Variants in ATP10D observed in about 807,000 individuals in gnomAD.
ATP10D encodes phospholipid-transporting ATPase VD.
Under a neutral mutation model 144.8 loss-of-function variants are expected in ATP10D, and 89 were observed. The ratio of observed to expected loss-of-function variants is 0.61; its 90% CI spans 0.52 to 0.73. The LOEUF is 0.73. Among genes scored for constraint, ATP10D ranks in the 30% least tolerant of loss-of-function variants. The pLI, the probability that ATP10D is intolerant of heterozygous loss-of-function variation, is 0.00. For missense variants in ATP10D, 1,603 were observed against 1,714.8 expected (o/e 0.93, Z 1.15); for synonymous variants, 571 against 615.1 (o/e 0.93, Z 1.06).
At chr4:47,565,458 C>CCTAGGTGG (rs1719575945) in intron 15 of ATP10D, among the ~76,000 whole-genome samples, 1 of 152,104 alleles carries the variant, frequency 6.6e-6, no homozygotes, top group South Asian at 2.1e-4. Context: ...AAGAATGTAG[C>CCTAGGTGG]CTAGGTGGCT....
At chr4:47,507,901 TGG>T (rs1349777802) in intron 1 of ATP10D, among the ~76,000 whole-genome samples, 4 of 151,970 alleles carry the variant, frequency 2.6e-5, no homozygotes, top group Admixed American at 2.6e-4. Context: ...GTGTGGTGAG[TGG>T]GTGATATGGT....
At chr4:47,537,089 T>C in intron 9 of ATP10D, 151 bp downstream of exon 9, 1 of 944,504 alleles carries the variant, frequency 1.1e-6, no homozygotes, top group Non-Finnish European at 1.5e-6. Context: ...ACTTCATTGT[T>C]GTTCCTTCAA....
At chr4:47,547,081 ACCATTTCTG>A in intron 10 of ATP10D, 1 of 539,122 alleles carries the variant, frequency 1.9e-6, no homozygotes, top group African/African-American at 2.0e-5. Flanking sequence ...GAGGTAGTAT[ACCATTTCTG>A]AAAAAAAAAA....
At chr4:47,558,386 T>C (rs62298023) in intron 12 of ATP10D, 113 bp downstream of exon 12, 242,857 of 1,406,418 alleles carry the variant, frequency 0.17, 23,714 homozygotes, top group East Asian at 0.49. Flanking sequence ...CTAATCACAT[T>C]TGGTGAAGTA....
chr4:47,531,727 GT>G (rs1243985594), intron 5 of ATP10D, among the ~76,000 whole-genome samples: 3 of 152,146 alleles, frequency 2.0e-5, no homozygotes, highest in Non-Finnish European at 4.4e-5. Flanking sequence ...TGTGAATAAA[GT>G]TTCCTCTTGT....
At chr4:47,582,839 A>C (rs1210902468) in intron 21 of ATP10D, 1 of 152,136 alleles carries the variant, frequency 6.6e-6, no homozygotes, top group Non-Finnish European at 1.5e-5. Context: ...ATAATTTATA[A>C]TTATTTATTT....
Position 47,592,047 on chromosome 4 carries a change from G to A in ATP10D, c.*666G>A, listed in dbSNP as rs1205634987. 1 of 152,242 alleles carries A rather than the reference G, an allele frequency of 6.6e-6. No individual in the cohort carries two copies. The highest frequency in any genetic ancestry group is 1.5e-5 in the Non-Finnish European group (1 of 68,012). 9.4% of individuals were successfully genotyped at this position (152,242 alleles called of 1,614,324 possible). ...TGAGGTGGAGCCTTCATTGGAAAGG[G>A]GAAAGAGGGATTCTAGGGTTTCATC... is the stretch of plus-strand genomic sequence containing the variant. On this transcript the variant is annotated 3_prime_UTR_variant, in exon 23 of 23. Coordinates refer to ENST00000273859, the MANE Select transcript of ATP10D (RefSeq NM_020453.4).
At chr4:47,582,952 G>A (rs1720598143) in intron 21 of ATP10D, 1 of 152,186 alleles carries the variant, frequency 6.6e-6, no homozygotes, top group African/African-American at 2.4e-5. Context: ...AGACCAGCCT[G>A]GGCAACATAG....
At chr4:47,525,663 A>G (rs1000986690) in intron 5 of ATP10D, 21 bp downstream of exon 5, 5 of 1,561,174 alleles carry the variant, frequency 3.2e-6, no homozygotes, top group Non-Finnish European at 3.5e-6. Context: ...CATGATGAAC[A>G]TTTGTGGGTG....
At chr4:47,561,950 A>T (rs1342250760) in intron 14 of ATP10D, among the ~76,000 whole-genome samples, 2 of 152,208 alleles carry the variant, frequency 1.3e-5, no homozygotes, top group Non-Finnish European at 2.9e-5. Context: ...GACCTAACTT[A>T]GTATCTAGCA....
At chr4:47,575,681 G>A (rs1421611170) in intron 18 of ATP10D, among the ~76,000 whole-genome samples, 2 of 152,148 alleles carry the variant, frequency 1.3e-5, no homozygotes, top group African/African-American at 2.4e-5. Flanking sequence ...TAGCCATGTG[G>A]CTTTGGGCAA....
intron 11 of ATP10D, among the ~76,000 whole-genome samples, chr4:47,555,417 G>A (rs73237099): frequency 0.13 from 19,818 of 152,196 alleles, 1,632 homozygotes; most frequent in Non-Finnish European, 0.19. Flanking sequence ...TGGTCTAAGT[G>A]ATTTATTGGT....
At chr4:47,552,343 T>C (rs760354907) in intron 10 of ATP10D, among the ~76,000 whole-genome samples, 6 of 152,308 alleles carry the variant, frequency 3.9e-5, no homozygotes, top group Non-Finnish European at 8.8e-5. Context: ...CTGGGTAGCT[T>C]AGAAACAACA....
chr4:47,506,046 C>G (rs1442591731), intron 1 of ATP10D, among the ~76,000 whole-genome samples: 1 of 152,104 alleles, frequency 6.6e-6, no homozygotes, highest in African/African-American at 2.4e-5. Flanking sequence ...TGCCTTCAAG[C>G]ACATTTGTGT....
At chr4:47,546,148 G>A (rs1046349334) in intron 9 of ATP10D, among the ~76,000 whole-genome samples, 3 of 152,214 alleles carry the variant, frequency 2.0e-5, no homozygotes, top group African/African-American at 7.2e-5. Context: ...GTGATCATTG[G>A]ATTTGACAAC....
At position 47,591,131 on chromosome 4, in the gene ATP10D, C is replaced by CT; in HGVS notation, c.4032dup (p.Lys1345Ter). The CT allele has an allele frequency of 6.2e-7, 1 of 1,613,430 alleles. No homozygotes were observed. ...GACAGACTAACTCCAGAGGAGAGGACTAAAGCTCTCAAGAAGTGGAGAGGG... is the reference window on the plus strand; with the variant it reads ...GACAGACTAACTCCAGAGGAGAGGACTTAAAGCTCTCAAGAAGTGGAGAGGG... On this transcript the variant is annotated frameshift_variant, in exon 23 of 23. Transcript: ENST00000273859. LOFTEE classifies it low-confidence loss of function (END_TRUNC).
intron 9 of ATP10D, among the ~76,000 whole-genome samples, chr4:47,542,107 A>T (rs1718164051): frequency 6.6e-6 from 1 of 151,528 alleles, no homozygotes; most frequent in Non-Finnish European, 1.5e-5. Context: ...CATACAATAT[A>T]TTTTTTTAAC....
At chr4:47,559,224 T>C (rs1421735446) in intron 13 of ATP10D, among the ~76,000 whole-genome samples, 195 bp downstream of exon 13, 1 of 152,226 alleles carries the variant, frequency 6.6e-6, no homozygotes, top group Non-Finnish European at 1.5e-5. Context: ...CAAGGATCCC[T>C]AAAACTTATA....
At chr4:47,559,742 G>A (rs1224148313) in intron 13 of ATP10D, among the ~76,000 whole-genome samples, 1 of 152,166 alleles carries the variant, frequency 6.6e-6, no homozygotes, top group African/African-American at 2.4e-5. Context: ...GGGCACAGTA[G>A]CTCACGCCTG....
Sources: gnomAD v4.1 joint callset for allele counts (sites outside exome capture counted in the v4.1 genomes callset) on GRCh38, gnomAD v4.1.1 for gene constraint, MANE v1.5 for transcripts, NCBI Gene and HGNC (gene_info 2026-07-23, HGNC 2026-07-21) for gene names.